Variants in TK2 observed in about 807,000 individuals in gnomAD.
TK2 encodes thymidine kinase 2, mitochondrial.
Under a neutral mutation model 41.9 loss-of-function variants are expected in TK2, and 35 were observed. The ratio of observed to expected loss-of-function variants is 0.84; its 90% CI spans 0.64 to 1.11. The LOEUF is 1.11. TK2 is among the 50% of genes least tolerant of loss of function. TK2 has a pLI of 0.00. For synonymous variants in TK2, 128 were observed against 129.1 expected, an observed-to-expected ratio of 0.99 and a Z score of 0.06; for missense variants, 320 against 351.1, an observed-to-expected ratio of 0.91 and a Z score of 0.71.
At chr16:66,550,123 G>T (rs758741842), upstream of TK2, 2 of 1,611,730 alleles carry the variant, frequency 1.2e-6, no homozygotes, top group Non-Finnish European at 8.5e-7. Flanking sequence ...GCGGACGACT[G>T]CTAGTCCAGC....
intron 1 of TK2, 87 bp downstream of exon 1, chr16:66,549,850 CG>C: frequency 7.8e-7 from 1 of 1,282,686 alleles, no homozygotes. Context: ...AGAGGCGCTT[CG>C]GGCTCGGGCG....
At chr16:66,547,891 C>T in intron 2 of TK2, 2 of 1,259,400 alleles carry the variant, frequency 1.6e-6, no homozygotes, top group Non-Finnish European at 1.0e-6. Flanking sequence ...TCAAACCACA[C>T]CCAAAAAGCA....
At chr16:66,526,634 T>A (rs146388335) in intron 6 of TK2, among the ~76,000 whole-genome samples, 1 of 151,992 alleles carries the variant, frequency 6.6e-6, no homozygotes, top group East Asian at 1.9e-4. Flanking sequence ...GTGCTGTAGG[T>A]CCAGCTATTC....
At chr16:66,531,110 A>C (rs929460573) in intron 5 of TK2, among the ~76,000 whole-genome samples, 1 of 152,206 alleles carries the variant, frequency 6.6e-6, no homozygotes, top group Admixed American at 6.5e-5. Context: ...GTTAAACGGC[A>C]TTAAGCCCAG....
intron 2 of TK2, among the ~76,000 whole-genome samples, chr16:66,544,333 TGAA>T (rs1344952369): frequency 6.6e-6 from 1 of 152,164 alleles, no homozygotes; most frequent in Admixed American, 6.5e-5. Context: ...GCATGCCCAT[TGAA>T]GAAAATACAG....
chr16:66,550,122 T>C lies in TK2; in HGVS notation c.-61A>G. ...TCTTGTGCGAGTCGGCGCGGACGAC[T>C]GCTAGTCCAGCCGTTGGGCGCCGCC... On this transcript the variant is annotated 5_prime_UTR_variant, in exon 1 of 10. Coordinates refer to ENST00000544898, the MANE Select transcript of TK2 (RefSeq NM_004614.5). 1.2e-6 allele frequency: 2 copies of C among 1,611,792 alleles called. No homozygotes were observed. Among genetic ancestry groups the C allele is most frequent in the South Asian group, 2.2e-5 (2 of 90,788 alleles).
chr16:66,529,378 C>T (rs1300270265), intron 5 of TK2, among the ~76,000 whole-genome samples: 2 of 152,254 alleles, frequency 1.3e-5, no homozygotes, highest in South Asian at 2.1e-4. Context: ...TGAGTCTCAA[C>T]TAGAACACGG....
chr16:66,548,723 C>T, intron 2 of TK2: 1 of 491,032 alleles, frequency 2.0e-6, no homozygotes, highest in South Asian at 2.4e-5. Context: ...ATCCCTTAAG[C>T]TTTAACAGCC....
Position 66,517,753 on chromosome 16 carries a change from G to A in TK2, c.538+36C>T, listed in dbSNP as rs965776784. ...GCACATCCTCAAGGGACCCAGGAGAGAGACAAGAGAGGGAGGTGGGAGGGG... is the reference window on the plus strand; with the variant it reads ...GCACATCCTCAAGGGACCCAGGAGAAAGACAAGAGAGGGAGGTGGGAGGGG... On this transcript the variant is annotated intron_variant, in intron 7 of 9. Coordinates refer to ENST00000544898, the MANE Select transcript of TK2 (RefSeq NM_004614.5). This position sits in a 1 kb window ranked among gnomAD's most constrained non-coding sequence, Gnocchi z 4.3. The A allele has an allele frequency of 6.3e-7, 1 of 1,599,494 alleles. No homozygotes were observed. The highest frequency in any genetic ancestry group is 1.1e-5 in the South Asian group (1 of 90,754).
chr16:66,531,532 A>C, intron 4 of TK2, 63 bp from the exon 5 acceptor site: 6 of 1,520,020 alleles, frequency 3.9e-6, no homozygotes, highest in African/African-American at 1.4e-5. Context: ...CCCTGGTCTC[A>C]CAAGGCACTG....
chr16:66,549,056 C>T, intron 1 of TK2, 47 bp from the exon 2 acceptor site: 2 of 1,611,300 alleles, frequency 1.2e-6, no homozygotes, highest in Non-Finnish European at 1.7e-6. Context: ...TTAAATAACT[C>T]TCCTCTGCCC....
chr16:66,539,695 A>G (rs1965399384), intron 3 of TK2, among the ~76,000 whole-genome samples: 1 of 152,112 alleles, frequency 6.6e-6, no homozygotes, highest in Non-Finnish European at 1.5e-5. Flanking sequence ...ACCAGGCACA[A>G]GCTTCCAAGG....
chr16:66,517,744 C>T lies in TK2; in HGVS notation c.538+45G>A, dbSNP rs752080353. 1.9e-6 allele frequency: 3 copies of T among 1,589,312 alleles called. No individual in the cohort carries two copies. The highest frequency in any genetic ancestry group is 2.6e-6 in the Non-Finnish European group (3 of 1,157,410). On this transcript the variant is annotated intron_variant, in intron 7 of 9. Transcript: ENST00000544898. The surrounding 1 kb of genome is among the most constrained non-coding windows in gnomAD (Gnocchi z 4.3). ...CCCAGCCAAGCACATCCTCAAGGGA[C>T]CCAGGAGAGAGACAAGAGAGGGAGG...
chr16:66,549,832 G>C, intron 1 of TK2, 106 bp downstream of exon 1: 1 of 1,283,698 alleles, frequency 7.8e-7, no homozygotes, highest in Non-Finnish European at 9.8e-7. Flanking sequence ...GAAATCCCGC[G>C]CCTCGGAAGA....
chr16:66,538,593 C>A (rs1965360172), intron 3 of TK2, among the ~76,000 whole-genome samples: 1 of 152,166 alleles, frequency 6.6e-6, no homozygotes, highest in Non-Finnish European at 1.5e-5. Context: ...GCAAAACCAG[C>A]CCAGCCTCTG....
chr16:66,523,013 A>G (rs536952044), intron 6 of TK2, among the ~76,000 whole-genome samples: 1 of 152,330 alleles, frequency 6.6e-6, no homozygotes, highest in Admixed American at 6.5e-5. Context: ...AGACAGTGCC[A>G]GAAGAGGTGG....
intron 1 of TK2, chr16:66,549,480 A>T (rs953691238): frequency 3.9e-5 from 40 of 1,037,920 alleles, no homozygotes; most frequent in Non-Finnish European, 4.3e-5. Flanking sequence ...GGACACCAGA[A>T]CCCGGGTGTA....
At chr16:66,521,062 C>T (rs1964765534) in intron 6 of TK2, among the ~76,000 whole-genome samples, 1 of 152,204 alleles carries the variant, frequency 6.6e-6, no homozygotes, top group South Asian at 2.1e-4. Flanking sequence ...GCTGGACTAG[C>T]CACCGGAGTA....
intron 4 of TK2, among the ~76,000 whole-genome samples, chr16:66,532,737 A>G (rs890362341): frequency 5.9e-5 from 9 of 152,158 alleles, no homozygotes; most frequent in Non-Finnish European, 1.3e-4. Context: ...GAACACACAC[A>G]AAAAAAGAGA....
Sources: gnomAD v4.1 joint callset for allele counts (sites outside exome capture counted in the v4.1 genomes callset) on GRCh38, gnomAD v4.1.1 for gene constraint, Gnocchi (gnomAD v3.1) non-coding constraint, MANE v1.5 for transcripts, NCBI Gene and HGNC (gene_info 2026-07-23, HGNC 2026-07-21) for gene names.